Variants in MAML3 observed in about 807,000 individuals in gnomAD.
The protein encoded by MAML3 is mastermind-like protein 3.
MAML3 carries 27 observed loss-of-function variants against 101.9 expected under a neutral mutation model. That is an observed-to-expected ratio of 0.27 (90% CI 0.20 to 0.37). The LOEUF (loss-of-function observed/expected upper bound fraction) is 0.37, where lower values mean the gene tolerates loss of function less well. Ranked by LOEUF, MAML3 falls within the 10% of genes least tolerant of loss-of-function variation. The pLI is 1.00. For missense variants in MAML3, 1,316 were observed against 1,444.9 expected, an observed-to-expected ratio of 0.91 and a Z score of 1.45; for synonymous variants, 501 against 555.9, an observed-to-expected ratio of 0.90 and a Z score of 1.39.
intron 1 of MAML3, among the ~76,000 whole-genome samples, chr4:139,996,144 T>C (rs1257321969): frequency 6.6e-6 from 1 of 152,228 alleles, no homozygotes; most frequent in Non-Finnish European, 1.5e-5. Flanking sequence ...TTTAAATTCA[T>C]TGACACTTGT....
At chr4:139,746,130 AT>A (rs1338442541) in intron 2 of MAML3, among the ~76,000 whole-genome samples, 2 of 152,352 alleles carry the variant, frequency 1.3e-5, no homozygotes, top group African/African-American at 4.8e-5. Flanking sequence ...TCTCAGTTGG[AT>A]TTTTTATTAA....
intron 1 of MAML3, among the ~76,000 whole-genome samples, chr4:139,911,128 G>A (rs1366277280): frequency 1.3e-5 from 2 of 152,038 alleles, no homozygotes; most frequent in Non-Finnish European, 2.9e-5. Flanking sequence ...CCTCACATAA[G>A]TGGAATCATA....
Position 139,890,316 on chromosome 4 carries a change from G to A in MAML3, c.1120C>T (p.Pro374Ser), listed in dbSNP as rs1263663913. 1 of 1,612,882 alleles carries A rather than the reference G, an allele frequency of 6.2e-7. No homozygotes were observed. Among genetic ancestry groups the A allele is most frequent in the Non-Finnish European group, 8.5e-7 (1 of 1,179,346 alleles). Reference protein sequence around the residue: ...SPFAHVSMGSPQARPSSSGPP... With the variant: ...SPFAHVSMGSSQARPSSSGPP... Reference sequence around the variant, plus strand: ...CCAGAAGAAGAAGGCCTCGCCTGGGGAGATCCCATGGAGACATGTGCGAAG... The same window carrying A: ...CCAGAAGAAGAAGGCCTCGCCTGGGAAGATCCCATGGAGACATGTGCGAAG... The change falls in exon 2 of 5, where the codon CCC becomes TCC. Residue 374 changes from proline to serine, a missense_variant. Physicochemically the swap from Pro to Ser is moderately conservative, Grantham distance 74. Coordinates refer to ENST00000509479, the MANE Select transcript of MAML3 (RefSeq NM_018717.5). The surrounding 1 kb of genome is among the most constrained non-coding windows in gnomAD (Gnocchi z 4.1).
Position 139,952,153 on chromosome 4 carries a change from G to A in MAML3, c.469-61186C>T, listed in dbSNP as rs186724140. 1.2e-4 allele frequency among the ~76,000 whole-genome samples: 18 copies of A among 152,134 alleles called. No homozygotes were observed. The East Asian group carries it at 2.1e-3, about 18-fold the overall frequency. ...GCACTCCAGCCTAAGGGACAAAAGC[G>A]AAACTCCATCTCAAAAGACAAACAA... On this transcript the variant is annotated intron_variant, in intron 1 of 4. Transcript: ENST00000509479.
chr4:139,774,598 A>C (rs1027695959), intron 2 of MAML3, among the ~76,000 whole-genome samples: 1 of 152,234 alleles, frequency 6.6e-6, no homozygotes, highest in East Asian at 1.9e-4. Context: ...AAAAGGACTT[A>C]AACTCTGTCG....
Position 140,141,720 on chromosome 4 carries a change from C to T in MAML3, c.468+11140G>A, listed in dbSNP as rs60735023. Among the ~76,000 whole-genome samples the T allele has an allele frequency of 2.6e-3, 389 of 152,258 alleles. 1 individual carries two copies. The highest frequency in any genetic ancestry group is 9.2e-3 in the African/African-American group (381 of 41,548). ...TAAGATGTGTTATTTGCCAAATACACGGCCTTTAAAAACTAGTAATGTTCT... is the reference window on the plus strand; with the variant it reads ...TAAGATGTGTTATTTGCCAAATACATGGCCTTTAAAAACTAGTAATGTTCT... On this transcript the variant is annotated intron_variant, in intron 1 of 4. Transcript: ENST00000509479.
intron 2 of MAML3, among the ~76,000 whole-genome samples, chr4:139,753,409 C>A (rs1378867015): frequency 2.0e-5 from 3 of 150,380 alleles, no homozygotes; most frequent in African/African-American, 7.4e-5. Context: ...AGCATTTTAA[C>A]TGCTGTTATG....
At chr4:139,896,719 G>A (rs897517416) in intron 1 of MAML3, among the ~76,000 whole-genome samples, 1 of 151,958 alleles carries the variant, frequency 6.6e-6, no homozygotes, top group Admixed American at 6.6e-5. Context: ...GAGTGGGAGG[G>A]TTGTGCATTA....
intron 2 of MAML3, among the ~76,000 whole-genome samples, chr4:139,853,252 T>C (rs989889567): frequency 1.3e-5 from 2 of 152,222 alleles, no homozygotes; most frequent in African/African-American, 4.8e-5. Context: ...TTTAAAAAGT[T>C]GCTCCTTTCC....
chr4:139,847,625 T>C (rs1731472690), intron 2 of MAML3, among the ~76,000 whole-genome samples: 1 of 152,202 alleles, frequency 6.6e-6, no homozygotes, highest in Non-Finnish European at 1.5e-5. Context: ...GTGAACAGGA[T>C]CAATTAAGTA....
intron 1 of MAML3, among the ~76,000 whole-genome samples, chr4:140,056,326 T>C (rs1430769346): frequency 1.3e-5 from 2 of 152,066 alleles, no homozygotes; most frequent in Non-Finnish European, 2.9e-5. Flanking sequence ...GCACACAGCA[T>C]GCCCTCAGCT....
intron 2 of MAML3, among the ~76,000 whole-genome samples, chr4:139,797,903 A>C (rs1730539041): frequency 6.6e-6 from 1 of 152,070 alleles, no homozygotes; most frequent in Non-Finnish European, 1.5e-5. Flanking sequence ...TGATTACCTA[A>C]GAAAATATCC....
At chr4:139,723,442 C>G (rs345979) in intron 4 of MAML3, among the ~76,000 whole-genome samples, 44,409 of 152,110 alleles carry the variant, frequency 0.29, 8,305 homozygotes, top group Middle Eastern at 0.44. Flanking sequence ...TCCGGAGTAG[C>G]TGGGATTACA....
chr4:140,121,947 G>T (rs55885573), intron 1 of MAML3, among the ~76,000 whole-genome samples: 4,523 of 152,128 alleles, frequency 0.03, 236 homozygotes, highest in African/African-American at 0.1. Context: ...AGATCTGATG[G>T]TTTTATAAGG....
intron 1 of MAML3, among the ~76,000 whole-genome samples, chr4:139,979,631 G>T (rs1734408133): frequency 6.6e-6 from 1 of 152,118 alleles, no homozygotes. Flanking sequence ...ATAGCAGTAA[G>T]GCCCTTATAA....
intron 1 of MAML3, among the ~76,000 whole-genome samples, chr4:140,068,278 G>A (rs1474377336): frequency 1.3e-5 from 2 of 152,152 alleles, no homozygotes; most frequent in Non-Finnish European, 2.9e-5. Flanking sequence ...AATCTTTGCA[G>A]ATACTTTACT....
At chr4:139,943,660 A>T (rs1187943792) in intron 1 of MAML3, among the ~76,000 whole-genome samples, 4 of 152,186 alleles carry the variant, frequency 2.6e-5, no homozygotes, top group Non-Finnish European at 5.9e-5. Context: ...CTTAACCTGG[A>T]TGTGTATCAA....
At chr4:139,980,266 G>A (rs1410341459) in intron 1 of MAML3, among the ~76,000 whole-genome samples, 3 of 152,028 alleles carry the variant, frequency 2.0e-5, no homozygotes, top group African/African-American at 7.3e-5. Context: ...ATAAAGACTG[G>A]GTCCACTCTA....
intron 1 of MAML3, among the ~76,000 whole-genome samples, chr4:139,922,176 C>T (rs898716924): frequency 7.2e-5 from 11 of 152,002 alleles, no homozygotes; most frequent in African/African-American, 1.7e-4. Context: ...GAAAGACACC[C>T]GCCTGTCCTC....
Sources: gnomAD v4.1 joint callset for allele counts (sites outside exome capture counted in the v4.1 genomes callset) on GRCh38, gnomAD v4.1.1 for gene constraint, Gnocchi (gnomAD v3.1) non-coding constraint, MANE v1.5 for transcripts, NCBI Gene and HGNC (gene_info 2026-07-23, HGNC 2026-07-21) for gene names.